Variants in CCDC137 observed in about 807,000 individuals in gnomAD.
CCDC137 encodes coiled-coil domain containing 137, also known as coiled-coil domain-containing protein 137.
Under a neutral mutation model 30.4 loss-of-function variants are expected in CCDC137, and 24 were observed. That is an observed-to-expected ratio of 0.79 (90% confidence interval 0.57 to 1.11). The LOEUF is 1.11. Ranked by LOEUF, CCDC137 falls within the 50% of genes least tolerant of loss-of-function variation. The probability of loss-of-function intolerance (pLI) is 0.00; values close to 1 mark genes in which losing one functional copy is unlikely to be tolerated. For missense variants in CCDC137, 417 were observed against 380.4 expected, an observed-to-expected ratio of 1.10 and a Z score of -0.80; for synonymous variants, 182 against 155.7, an observed-to-expected ratio of 1.17 and a Z score of -1.26.
intron 1 of CCDC137, 31 bp downstream of exon 1, chr17:81,666,931 C>A: frequency 1.6e-6 from 2 of 1,248,988 alleles, no homozygotes; most frequent in Non-Finnish European, 2.0e-6. Flanking sequence ...GGCCGCCACA[C>A]TTCCCCAGAG....
rs756667423 is a variant in CCDC137, at chr17:81,666,755, C to T, written c.-12C>T. 2.1e-6 allele frequency: 3 copies of T among 1,457,916 alleles called. No individual in the cohort carries two copies. The highest frequency in any genetic ancestry group is 2.7e-5 in the East Asian group (1 of 36,722). The allele number at this position is 1,457,916 out of a possible 1,614,324, so 90.3% of individuals were successfully genotyped here. On this transcript the variant is annotated 5_prime_UTR_variant, in exon 1 of 6. Transcript: ENST00000329214. Reference sequence around the variant, plus strand: ...CGGAAGTGGCTTCGCTAGGGAGCCTCCCGGCGTGGAGATGGCGGGAGCTGG... The same window carrying T: ...CGGAAGTGGCTTCGCTAGGGAGCCTTCCGGCGTGGAGATGGCGGGAGCTGG...
At chr17:81,671,574 G>A (rs534274010) in intron 3 of CCDC137, 170 bp from the exon 4 acceptor site, 22 of 615,778 alleles carry the variant, frequency 3.6e-5, no homozygotes, top group Non-Finnish European at 6.1e-5. Flanking sequence ...TTCTTTGGTG[G>A]GCAGCTGTGG....
chr17:81,667,013 G>A, intron 1 of CCDC137, 113 bp downstream of exon 1: 1 of 1,124,366 alleles, frequency 8.9e-7, no homozygotes, highest in Non-Finnish European at 1.1e-6. Flanking sequence ...CCCAGGTCGG[G>A]CTCAGTGCCC....
In CCDC137 at chr17:81,672,658, A is replaced by G; in HGVS notation, c.824A>G (p.Glu275Gly). The G allele has an allele frequency of 6.2e-7, 1 of 1,600,758 alleles. No homozygotes were observed. The highest frequency in any genetic ancestry group is 1.7e-5 in the Admixed American group (1 of 58,304). Residue 275 changes from glutamate (E) to glycine (G), a missense_variant, in exon 6 of 6, where the codon GAG (glutamate) becomes GGG (glycine). Coordinates refer to ENST00000329214, the MANE Select transcript of CCDC137 (RefSeq NM_199287.3). ...LKQRQQQLHGERPHLTSRKKP... is the reference protein window; with the variant it reads ...LKQRQQQLHGGRPHLTSRKKP... ...CAGCGGCAGCAGCAGCTGCACGGGG[A>G]GCGACCCCACCTCACTTCCCGGAAG...
chr17:81,666,963 C>A, intron 1 of CCDC137, 63 bp downstream of exon 1: 1 of 1,238,242 alleles, frequency 8.1e-7, no homozygotes. Flanking sequence ...TTGAAGGCTC[C>A]GCCCGGGACC....
rs372530090 is a variant in CCDC137, at chr17:81,672,872, C to G, written c.*168C>G. 15 of 663,338 alleles carry G rather than the reference C, an allele frequency of 2.3e-5. No homozygotes were observed. The highest frequency in any genetic ancestry group is 3.8e-5 in the Non-Finnish European group (15 of 396,842). 41.1% of individuals were successfully genotyped at this position (663,338 alleles called of 1,614,324 possible). A position where few individuals can be genotyped will look rare whatever the true frequency, so the allele number is the denominator to read the frequency against. ...CCACATCTTGCAGGGGGTGAGTGCC[C>G]GATGGACTAGGGCCAAGGCCTGGTT... On this transcript the variant is annotated 3_prime_UTR_variant, in exon 6 of 6. Transcript: ENST00000329214.
chr17:81,667,976 CAGA>C, intron 2 of CCDC137, 114 bp downstream of exon 2: 1 of 1,326,832 alleles, frequency 7.5e-7, no homozygotes, highest in Non-Finnish European at 1.0e-6. Flanking sequence ...ACCCGGTGCT[CAGA>C]AGGTGGGGGA....
intron 3 of CCDC137, among the ~76,000 whole-genome samples, chr17:81,671,047 G>A (rs1018338593): frequency 1.3e-5 from 2 of 151,716 alleles, no homozygotes; most frequent in African/African-American, 4.8e-5. Flanking sequence ...CAGTGGAATC[G>A]CTTGAATCCG....
At chr17:81,670,142 G>C (rs1300875245) in intron 2 of CCDC137, 83 bp from the exon 3 acceptor site, 4 of 1,077,428 alleles carry the variant, frequency 3.7e-6, no homozygotes, top group Non-Finnish European at 5.4e-6. Context: ...CCTTCCTGTG[G>C]CTTTGGGAGG....
At position 81,667,775 on chromosome 17, in the gene CCDC137, C is replaced by A. The variant is rs2036660273; in HGVS notation, c.181C>A (p.Gln61Lys). ...VNCKPKNQDE[Q>K]EIPFRLREIM... is the part of the protein sequence containing the mutation. ...CTGCAAGCCCAAGAACCAGGACGAACAGGAGATTCCTTTCCGGCTCCGGGA... is the reference window on the plus strand; with the variant it reads ...CTGCAAGCCCAAGAACCAGGACGAAAAGGAGATTCCTTTCCGGCTCCGGGA... Residue 61 changes from glutamine (Q) to lysine (K), a missense_variant, in exon 2 of 6, where the codon CAG becomes AAG. By Grantham distance (53) the Gln-to-Lys change is moderately conservative (BLOSUM62 1). Coordinates refer to ENST00000329214, the MANE Select transcript of CCDC137 (RefSeq NM_199287.3). 1 of 1,613,468 alleles carries A rather than the reference C, an allele frequency of 6.2e-7. No homozygotes were observed.
Position 81,671,746 on chromosome 17 carries a change from T to C in CCDC137, c.500T>C (p.Phe167Ser). Residue 167 changes from phenylalanine (F) to serine (S), a missense_variant and splice_region_variant, in exon 4 of 6, where the codon TTC (phenylalanine) becomes TCC (serine). Coordinates refer to ENST00000329214, the MANE Select transcript of CCDC137 (RefSeq NM_199287.3). ...KSEQKKAKKAFQKRRLDKVRR... is the reference protein window; with the variant it reads ...KSEQKKAKKASQKRRLDKVRR... The stretch of plus-strand genomic sequence containing the variant: ...GTGACATGTGCTTTCTTCCCCAGGT[T>C]CCAGAAGCGGCGACTAGATAAAGTC... 1.9e-6 allele frequency: 3 copies of C among 1,611,932 alleles called. No individual in the cohort carries two copies. The highest frequency in any genetic ancestry group is 2.5e-6 in the Non-Finnish European group (3 of 1,179,588).
Position 81,672,099 on chromosome 17 carries a change from G to T in CCDC137, c.604G>T (p.Val202Phe). ...LRDTVKFGEV[V>F]LQPPELTARP... ...AGACACGGTGAAGTTTGGTGAGGTTGTCCTGCAGCCCCCAGAGCTGACTGC... is the reference window on the plus strand; with the variant it reads ...AGACACGGTGAAGTTTGGTGAGGTTTTCCTGCAGCCCCCAGAGCTGACTGC... Residue 202 changes from valine to phenylalanine, a missense_variant, in exon 5 of 6, where the codon GTC becomes TTC. Physicochemically the swap from Val to Phe is conservative, Grantham distance 50. Coordinates refer to ENST00000329214, the MANE Select transcript of CCDC137 (RefSeq NM_199287.3). 6.2e-7 allele frequency: 1 copy of T among 1,614,128 alleles called. No homozygotes were observed. Among genetic ancestry groups the T allele is most frequent in the Non-Finnish European group, 8.5e-7 (1 of 1,180,012 alleles).
chr17:81,672,533 C>T lies in CCDC137; in HGVS notation c.699C>T (p.Ser233=). ...RRSQMLRMLL[S]PGGVSQPLTA... The stretch of plus-strand genomic sequence containing the variant: ...CGCAGATGCTGCGGATGCTTCTGAG[C>T]CCCGGTGGTGTGTCCCAGCCTCTGA... The change falls in exon 6 of 6, where the codon AGC becomes AGT. Residue 233 remains serine, a synonymous_variant. Transcript: ENST00000329214. The T allele has an allele frequency of 6.4e-7, 1 of 1,567,460 alleles. No homozygotes were observed. The highest frequency in any genetic ancestry group is 1.9e-5 in the Admixed American group (1 of 53,016).
intron 1 of CCDC137, 46 bp downstream of exon 1, chr17:81,666,946 G>A (rs1400428553): frequency 1.6e-6 from 2 of 1,243,852 alleles, no homozygotes; most frequent in African/African-American, 3.1e-5. Context: ...CCAGAGAAGG[G>A]GACGCCTTGA....
chr17:81,672,357 A>G (rs1043118506), intron 5 of CCDC137, 138 bp from the exon 6 acceptor site: 1 of 962,694 alleles, frequency 1.0e-6, no homozygotes, highest in Non-Finnish European at 1.5e-6. Context: ...AAAAACCCTC[A>G]GCCAACGTGT....
rs373227595 is a variant in CCDC137, at chr17:81,672,660, C to T, written c.826C>T (p.Arg276Ter). 45 of 1,600,164 alleles carry T rather than the reference C, an allele frequency of 2.8e-5. No individual in the cohort carries two copies. The highest frequency in any genetic ancestry group is 1.7e-4 in the Middle Eastern group (1 of 5,800). Residue 276 changes from arginine to a stop codon, truncating the protein, a stop_gained, in exon 6 of 6, where the codon CGA becomes TGA. Transcript: ENST00000329214. LOFTEE classifies it low-confidence loss of function (END_TRUNC). ...KQRQQQLHGERPHLTSRKKPE... is the reference protein window; with the variant it reads ...KQRQQQLHGE ...GCGGCAGCAGCAGCTGCACGGGGAG[C>T]GACCCCACCTCACTTCCCGGAAGAA...
intron 2 of CCDC137, among the ~76,000 whole-genome samples, chr17:81,669,374 G>A (rs1333417349): frequency 6.8e-6 from 1 of 146,434 alleles, no homozygotes; most frequent in African/African-American, 2.5e-5. Context: ...TCGAACTCTG[G>A]CCTCAGGTGA....
Position 81,672,578 on chromosome 17 carries a change from G to A in CCDC137, c.744G>A (p.Gln248=). 6.3e-7 allele frequency: 1 copy of A among 1,580,756 alleles called. No individual in the cohort carries two copies. Among genetic ancestry groups the A allele is most frequent in the Middle Eastern group, 1.7e-4 (1 of 6,026 alleles). ...CTCTGACCGCCTCCCTGGCCCGCCAGCGGATTGTGGAGGAGGAGAGAGAGC... is the reference window on the plus strand; with the variant it reads ...CTCTGACCGCCTCCCTGGCCCGCCAACGGATTGTGGAGGAGGAGAGAGAGC... The part of the protein sequence containing the change: ...SQPLTASLAR[Q]RIVEEERERA... The change falls in exon 6 of 6, where the codon CAG becomes CAA. Residue 248 remains glutamine, a synonymous_variant. Coordinates refer to ENST00000329214, the MANE Select transcript of CCDC137 (RefSeq NM_199287.3).
rs1168987157 is a variant in CCDC137, at chr17:81,672,486, C to CT, written c.661-8dup. 9 of 1,551,944 alleles carry CT rather than the reference C, an allele frequency of 5.8e-6. No individual in the cohort carries two copies. In the African/African-American group the frequency reaches 6.8e-5, roughly 12 times the overall value. On this transcript the variant is annotated splice_polypyrimidine_tract_variant and intron_variant, in intron 5 of 5. Coordinates refer to ENST00000329214, the MANE Select transcript of CCDC137 (RefSeq NM_199287.3). The stretch of plus-strand genomic sequence containing the variant: ...CAGCCTGTGCCTCACCCTCCCCTCT[C>CT]TCCCTCAGCCTGGCAGGAGATCGCA...
Sources: allele counts gnomAD v4.1 joint callset (sites outside exome capture counted in the v4.1 genomes callset), GRCh38; gene constraint gnomAD v4.1.1; transcripts MANE v1.5; gene names NCBI Gene and HGNC (gene_info 2026-07-23, HGNC 2026-07-21).